SETD7: variants seen among roughly 807,000 people sequenced by gnomAD.
SETD7 encodes SET domain containing 7, histone lysine methyltransferase, also known as histone-lysine N-methyltransferase SETD7.
In SETD7, 16 loss-of-function variants were observed where a neutral mutation model predicts 41.8. That is an observed-to-expected ratio of 0.38 (90% CI 0.26 to 0.58). The LOEUF is 0.58. Ranked by LOEUF, SETD7 falls within the 20% of genes least tolerant of loss-of-function variation. The probability of loss-of-function intolerance (pLI) is 0.64; values close to 1 mark genes in which losing one functional copy is unlikely to be tolerated. For synonymous variants in SETD7, 163 were observed against 169.7 expected (o/e 0.96, Z 0.31); for missense variants, 346 against 459.7 (o/e 0.75, Z 2.26).
Position 139,509,555 on chromosome 4 carries a change from A to G in SETD7, c.*2108T>C, listed in dbSNP as rs920994761. The G allele has an allele frequency of 4.5e-6, 1 of 220,192 alleles. No individual in the cohort carries two copies. The highest frequency in any genetic ancestry group is 2.3e-5 in the African/African-American group (1 of 42,720). 13.6% of individuals were successfully genotyped at this position (220,192 alleles called of 1,614,324 possible). The stretch of plus-strand genomic sequence containing the variant: ...ATGAAATCATTCAGAGCATAGCTGC[A>G]TCGGGGGCATGACCAGCACTATCCT... On this transcript the variant is annotated 3_prime_UTR_variant, in exon 8 of 8. Transcript: ENST00000274031.
chr4:139,496,184 C>G, exon 8 of SETD7: 1 of 473,884 alleles, frequency 2.1e-6, no homozygotes, highest in Non-Finnish European at 3.7e-6. Context: ...TCTTTTTCCC[C>G]CCTCTGGTGA....
intron 2 of SETD7, chr4:139,546,708 A>G (rs558845170): frequency 1.6e-6 from 1 of 622,436 alleles, no homozygotes; most frequent in Admixed American, 3.0e-5. Flanking sequence ...ACTCTGGGAG[A>G]CAGTGATGAC....
chr4:139,533,274 T>C lies in SETD7; in HGVS notation c.263A>G (p.Asp88Gly). The C allele has an allele frequency of 1.9e-6, 3 of 1,614,128 alleles. No individual in the cohort carries two copies. Among genetic ancestry groups the C allele is most frequent in the Non-Finnish European group, 2.5e-6 (3 of 1,179,994 alleles). The change falls in exon 3 of 8, where the codon GAC becomes GGC. Residue 88 changes from aspartate to glycine, a missense_variant. This residue lies in a region of SETD7 where 266 missense variants were observed against 377.0 expected (regional missense o/e 0.71). Transcript: ENST00000274031. The stretch of plus-strand genomic sequence containing the variant: ...CTGGGCTGGACCGTTCAGCTCTCCG[T>C]CTACATACGTGCCCTGGAGAACTCC... ...DGGVLQGTYV[D>G]GELNGPAQEY...
chr4:139,527,403 A>T (rs1276228702), intron 4 of SETD7, among the ~76,000 whole-genome samples: 1 of 152,062 alleles, frequency 6.6e-6, no homozygotes, highest in African/African-American at 2.4e-5. Context: ...AAAAATTTAA[A>T]AATATTTAGC....
At chr4:139,520,089 T>C (rs1461242176) in intron 6 of SETD7, among the ~76,000 whole-genome samples, 188 bp downstream of exon 6, 1 of 152,072 alleles carries the variant, frequency 6.6e-6, no homozygotes, top group Non-Finnish European at 1.5e-5. Context: ...CTCTATAAAA[T>C]AGCTCTGGAA....
chr4:139,536,973 T>C (rs905428101), intron 2 of SETD7, among the ~76,000 whole-genome samples: 5 of 151,846 alleles, frequency 3.3e-5, no homozygotes, highest in African/African-American at 9.7e-5. Flanking sequence ...ACTGCAATCT[T>C]TTTTATTTTT....
intron 2 of SETD7, among the ~76,000 whole-genome samples, chr4:139,537,897 A>G (rs1425779363): frequency 6.6e-6 from 1 of 152,354 alleles, no homozygotes. Context: ...GAGTGTTGTT[A>G]TAACGGTTAA....
chr4:139,556,111 C>T lies in SETD7; in HGVS notation c.27G>A (p.Glu9=). 2 of 1,604,588 alleles carry T rather than the reference C, an allele frequency of 1.2e-6. No homozygotes were observed. The highest frequency in any genetic ancestry group is 1.7e-6 in the Non-Finnish European group (2 of 1,176,196). Residue 9 remains glutamate, a synonymous_variant, in exon 1 of 8, where the codon GAG becomes GAA. Coordinates refer to ENST00000274031, the MANE Select transcript of SETD7 (RefSeq NM_030648.4). Reference sequence around the variant, plus strand: ...AAATGCTTGTACCTTCCACCGCCTCCTCCACCATCTCGTCGTCGCTATCCA... The same window carrying T: ...AAATGCTTGTACCTTCCACCGCCTCTTCCACCATCTCGTCGTCGCTATCCA... MDSDDEMV[E]EAVEGHLDDD... is the part of the protein sequence containing the mutation.
intron 2 of SETD7, among the ~76,000 whole-genome samples, chr4:139,537,271 G>A (rs1329930741): frequency 6.6e-6 from 1 of 152,178 alleles, no homozygotes; most frequent in East Asian, 1.9e-4. Context: ...CACCGCGCCT[G>A]GCTGCACCAC....
At chr4:139,550,767 A>C (rs1189536334) in intron 1 of SETD7, among the ~76,000 whole-genome samples, 1 of 152,234 alleles carries the variant, frequency 6.6e-6, no homozygotes, top group African/African-American at 2.4e-5. Flanking sequence ...TAAACAGAGG[A>C]GAAAAAAAGT....
chr4:139,522,086 T>A (rs747895680), intron 5 of SETD7, among the ~76,000 whole-genome samples: 6 of 152,268 alleles, frequency 3.9e-5, no homozygotes, highest in Non-Finnish European at 8.8e-5. Flanking sequence ...CGTATGGCTA[T>A]GGTCTTGTGT....
In SETD7 at chr4:139,507,997, C is replaced by A. The variant is rs1386067890; in HGVS notation, c.*3666G>T. On this transcript the variant is annotated 3_prime_UTR_variant, in exon 8 of 8. Coordinates refer to ENST00000274031, the MANE Select transcript of SETD7 (RefSeq NM_030648.4). Reference sequence around the variant, plus strand: ...AGCAAAACAGAAAATGATACCTCTACCTTCTTGGAAGATTTTAAATGCATG... The same window carrying A: ...AGCAAAACAGAAAATGATACCTCTAACTTCTTGGAAGATTTTAAATGCATG... The A allele has an allele frequency of 6.6e-6, 1 of 152,182 alleles. No individual in the cohort carries two copies. The highest frequency in any genetic ancestry group is 1.5e-5 in the Non-Finnish European group (1 of 68,046). The allele number at this position is 152,182 out of a possible 1,614,324, so 9.4% of individuals were successfully genotyped here. A position where few individuals can be genotyped will look rare whatever the true frequency, so the allele number is the denominator to read the frequency against.
At chr4:139,494,032 G>A (rs980327818), downstream of SETD7, among the ~76,000 whole-genome samples, 13 of 152,190 alleles carry the variant, frequency 8.5e-5, no homozygotes, top group Non-Finnish European at 1.6e-4. Flanking sequence ...AGCTGCAAGA[G>A]ATCCTTGGAA....
chr4:139,496,228 A>G, exon 8 of SETD7: 1 of 535,944 alleles, frequency 1.9e-6, no homozygotes, highest in Middle Eastern at 4.7e-4. Flanking sequence ...ACAACTTATT[A>G]GGTATCTCTT....
At chr4:139,547,360 A>G (rs191251998) in intron 1 of SETD7, among the ~76,000 whole-genome samples, 2 of 152,322 alleles carry the variant, frequency 1.3e-5, no homozygotes. Flanking sequence ...TATCAGTAAT[A>G]TTATCTGCAG....
intron 2 of SETD7, among the ~76,000 whole-genome samples, chr4:139,533,770 G>C (rs1216816984): frequency 1.3e-5 from 2 of 152,248 alleles, no homozygotes; most frequent in Admixed American, 6.5e-5. Flanking sequence ...AGTTCTCAAG[G>C]GTCTTTCAGA....
At chr4:139,499,959 C>A (rs544195794) in intron 7 of SETD7, among the ~76,000 whole-genome samples, 1 of 152,222 alleles carries the variant, frequency 6.6e-6, no homozygotes, top group African/African-American at 2.4e-5. Context: ...TAGATCATGC[C>A]GTTTTTGTCC....
In SETD7 at chr4:139,496,009, C is replaced by A. The variant is rs1039535395; in HGVS notation, c.*344G>T. 2.2e-5 allele frequency: 4 copies of A among 180,520 alleles called. No individual in the cohort carries two copies. In the East Asian group the frequency reaches 6.2e-4, roughly 28 times the overall value. The allele number at this position is 180,520 out of a possible 1,614,324, so 11.2% of individuals were successfully genotyped here. Reference sequence around the variant, plus strand: ...AAACACACATATAAGATCATGAACTCGTACTCATCACCCAGCTGAAATCCT... The same window carrying A: ...AAACACACATATAAGATCATGAACTAGTACTCATCACCCAGCTGAAATCCT... On this transcript the variant is annotated 3_prime_UTR_variant, in exon 8 of 8. Coordinates refer to the SETD7 transcript ENST00000506866.
At chr4:139,527,536 C>A (rs1468364373) in intron 4 of SETD7, among the ~76,000 whole-genome samples, 1 of 152,018 alleles carries the variant, frequency 6.6e-6, no homozygotes, top group Non-Finnish European at 1.5e-5. Context: ...CCAGTCTGGG[C>A]AACAGAGTGA....
Sources: gnomAD v4.1 joint callset for allele counts (sites outside exome capture counted in the v4.1 genomes callset) on GRCh38, gnomAD v4.1.1 for gene constraint, gnomAD v4.1.1 regional missense constraint, MANE v1.5 for transcripts, NCBI Gene and HGNC (gene_info 2026-07-23, HGNC 2026-07-21) for gene names.